RIF1: variants seen among roughly 807,000 people sequenced by gnomAD.
The protein encoded by RIF1 is telomere-associated protein RIF1.
In RIF1, 45 loss-of-function variants were observed where a neutral mutation model predicts 247.1. The observed-to-expected ratio is 0.18, with a 90% CI of 0.14 to 0.23. The LOEUF (loss-of-function observed/expected upper bound fraction) is 0.23, where lower values mean the gene tolerates loss of function less well. Ranked by LOEUF, RIF1 falls within the 10% of genes least tolerant of loss-of-function variation. The pLI, the probability that RIF1 is intolerant of heterozygous loss-of-function variation, is 1.00. For synonymous variants in RIF1, 1,087 were observed against 978.8 expected, an observed-to-expected ratio of 1.11 and a Z score of -2.06; for missense variants, 2,967 against 2,862.5, an observed-to-expected ratio of 1.04 and a Z score of -0.83.
chr2:151,498,371 T>A, intron 10 of RIF1: 2 of 1,510,378 alleles, frequency 1.3e-6, no homozygotes, highest in Admixed American at 2.1e-5. Flanking sequence ...TGAGAAAGCA[T>A]CCAGAACAAA....
intron 14 of RIF1, 49 bp from the exon 15 acceptor site, chr2:151,439,972 CAAAAAA>C (rs1165450117): frequency 1.7e-3 from 458 of 276,216 alleles, no homozygotes; most frequent in South Asian, 4.3e-3. Flanking sequence ...GACCCTGTCT[CAAAAAA>C]AAAAAAAAAA....
chr2:151,485,885 C>A (rs747323786), downstream of RIF1: 1 of 1,613,844 alleles, frequency 6.2e-7, no homozygotes. Flanking sequence ...TTGAAGGACA[C>A]CTCATCTGCA....
At position 151,464,985 on chromosome 2, in the gene RIF1, C is replaced by T; in HGVS notation, c.5465C>T (p.Thr1822Ile). ...IVSETKSKEN[T>I]MQESLPSGIV... ...TCTGAAACCAAATCAAAAGAAAACA[C>T]TATGCAAGAATCTCTTCCTTCTGGA... Residue 1822 changes from threonine to isoleucine, a missense_variant, in exon 30 of 36, where the codon ACT becomes ATT. Thr to Ile is a moderately conservative substitution (Grantham distance 89, BLOSUM62 -1). Coordinates refer to ENST00000444746, the MANE Select transcript of RIF1 (RefSeq NM_018151.5). 6.3e-7 allele frequency: 1 copy of T among 1,576,652 alleles called. No homozygotes were observed. The highest frequency in any genetic ancestry group is 8.6e-7 in the Non-Finnish European group (1 of 1,169,078).
chr2:151,462,806 A>T (rs1206042882), intron 29 of RIF1, 78 bp from the exon 30 acceptor site: 2 of 1,140,302 alleles, frequency 1.8e-6, no homozygotes, highest in Admixed American at 2.6e-5. Context: ...GTTTTACACT[A>T]AAGTTTTCCC....
At position 151,410,478 on chromosome 2, in the gene RIF1, C is replaced by T. The variant is rs760682226; in HGVS notation, c.55C>T (p.Pro19Ser). The change falls in exon 2 of 36, where the codon CCT becomes TCT. Residue 19 changes from proline (P) to serine (S), a missense_variant. Physicochemically the swap from Pro to Ser is moderately conservative, Grantham distance 74. This residue lies in a region of RIF1 where 269 missense variants were observed against 288.6 expected (regional missense o/e 0.93). Coordinates refer to ENST00000444746, the MANE Select transcript of RIF1 (RefSeq NM_018151.5). ...LAPLLETLED[P>S]SASHGGQTDA... ...GCCGCTGTTGGAGACTTTGGAAGAC[C>T]CTTCTGCCTCCCATGGAGGGCAGAC... 1.5e-5 allele frequency: 24 copies of T among 1,613,954 alleles called. No individual in the cohort carries two copies. The highest frequency in any genetic ancestry group is 4.0e-5 in the African/African-American group (3 of 74,926).
In RIF1 at chr2:151,410,540, A is replaced by G; in HGVS notation, c.104+13A>G. 1 of 1,607,348 alleles carries G rather than the reference A, an allele frequency of 6.2e-7. No individual in the cohort carries two copies. The highest frequency in any genetic ancestry group is 8.5e-7 in the Non-Finnish European group (1 of 1,174,412). Reference sequence around the variant, plus strand: ...TGACTCTGACCAGGTGAGGTCCGCCACGGGGCGTAGCGGAGAGTGGGGCGC... The same window carrying G: ...TGACTCTGACCAGGTGAGGTCCGCCGCGGGGCGTAGCGGAGAGTGGGGCGC... On this transcript the variant is annotated intron_variant, in intron 2 of 35. Transcript: ENST00000444746.
In RIF1 at chr2:151,463,040, A is replaced by G; in HGVS notation, c.3520A>G (p.Lys1174Glu). ...GTCAAACAGTAATAATGATGAAAGAAAAAAAGCTTTAATTTCATCAAGGAA... is the reference window on the plus strand; with the variant it reads ...GTCAAACAGTAATAATGATGAAAGAGAAAAAGCTTTAATTTCATCAAGGAA... ...EMSNSNNDERKKALISSRKTS... is the reference protein window; with the variant it reads ...EMSNSNNDEREKALISSRKTS... The change falls in exon 30 of 36, where the codon AAA becomes GAA. Residue 1174 changes from lysine (K) to glutamate (E), a missense_variant. Transcript: ENST00000444746. 2 of 1,614,024 alleles carry G rather than the reference A, an allele frequency of 1.2e-6. No individual in the cohort carries two copies. Among genetic ancestry groups the G allele is most frequent in the South Asian group, 2.2e-5 (2 of 91,048 alleles).
At chr2:151,418,434 A>G (rs566663287) in intron 6 of RIF1, among the ~76,000 whole-genome samples, 34 of 150,926 alleles carry the variant, frequency 2.3e-4, no homozygotes, top group Non-Finnish European at 4.4e-4. Flanking sequence ...TGAACTCCTG[A>G]CCTCAGGTGG....
At chr2:151,510,738 G>C (rs2073568802), downstream of RIF1, among the ~76,000 whole-genome samples, 1 of 152,190 alleles carries the variant, frequency 6.6e-6, no homozygotes, top group Non-Finnish European at 1.5e-5. Context: ...GGAAAAACCA[G>C]TATATATAGG....
chr2:151,426,585 C>G (rs2152264638), intron 8 of RIF1, among the ~76,000 whole-genome samples: 1 of 151,984 alleles, frequency 6.6e-6, no homozygotes, highest in East Asian at 1.9e-4. Flanking sequence ...GCATATAATG[C>G]CTTGAGTAGT....
the RIF1 span, chr2:151,531,690 A>T: frequency 1.2e-6 from 1 of 857,028 alleles, no homozygotes; most frequent in Non-Finnish European, 1.9e-6. Flanking sequence ...CCTCCCACTA[A>T]ATGGCAGTAG....
chr2:151,526,775 C>T, the RIF1 span: 6 of 654,422 alleles, frequency 9.2e-6, no homozygotes, highest in South Asian at 7.6e-5. Context: ...GCGCCCCTCA[C>T]AGGACAGGCC....
rs1172807859 is a variant in RIF1, at chr2:151,478,413, T to C, written c.*3342T>C. 1 of 151,508 alleles carries C rather than the reference T, an allele frequency of 6.6e-6. No individual in the cohort carries two copies. Among genetic ancestry groups the C allele is most frequent in the East Asian group, 1.9e-4 (1 of 5,162 alleles). The allele number at this position is 151,508 out of a possible 1,614,324, so 9.4% of individuals were successfully genotyped here. A position where few individuals can be genotyped will look rare whatever the true frequency, so the allele number is the denominator to read the frequency against. ...AGACATGAGAATTGCTTGAACCTTTTAGGCGGAGGTTGCAGTGAGCCGAGA... is the reference window on the plus strand; with the variant it reads ...AGACATGAGAATTGCTTGAACCTTTCAGGCGGAGGTTGCAGTGAGCCGAGA... On this transcript the variant is annotated 3_prime_UTR_variant, in exon 36 of 36. Coordinates refer to ENST00000444746, the MANE Select transcript of RIF1 (RefSeq NM_018151.5).
At chr2:151,513,967 A>T in the RIF1 span, among the ~76,000 whole-genome samples, 3 of 152,362 alleles carry the variant, frequency 2.0e-5, no homozygotes, top group African/African-American at 7.2e-5. Flanking sequence ...TAGAGTATAA[A>T]GTAAATTGTA....
chr2:151,484,277 G>A (rs997776719), downstream of RIF1, among the ~76,000 whole-genome samples: 4 of 151,870 alleles, frequency 2.6e-5, no homozygotes, highest in Non-Finnish European at 4.4e-5. Flanking sequence ...TTGGCAAACC[G>A]ATAAAGTAAA....
chr2:151,524,381 C>G, the RIF1 span: 1 of 1,613,856 alleles, frequency 6.2e-7, no homozygotes, highest in Non-Finnish European at 8.5e-7. Flanking sequence ...TAAGCCATGG[C>G]TGCCTTCCTT....
chr2:151,467,025 T>A (rs1239492551), intron 30 of RIF1, among the ~76,000 whole-genome samples: 4 of 152,030 alleles, frequency 2.6e-5, no homozygotes. Flanking sequence ...GGTCGGGAGT[T>A]CAAGACCAGC....
At chr2:151,498,924 T>TAAC (rs1553559573) in intron 10 of RIF1, among the ~76,000 whole-genome samples, 1 of 151,512 alleles carries the variant, frequency 6.6e-6, no homozygotes, top group Non-Finnish European at 1.5e-5. Context: ...TCTGTACAAA[T>TAAC]AACAGTAGAG....
chr2:151,419,435 C>T (rs752022569), intron 6 of RIF1, among the ~76,000 whole-genome samples: 3 of 152,054 alleles, frequency 2.0e-5, no homozygotes, highest in Middle Eastern at 3.4e-3. Context: ...AAGCAATTCT[C>T]CTGCCTCAGC....
Sources: gnomAD v4.1 joint callset for allele counts (sites outside exome capture counted in the v4.1 genomes callset) on GRCh38, gnomAD v4.1.1 for gene constraint, gnomAD v4.1.1 regional missense constraint, MANE v1.5 for transcripts, NCBI Gene and HGNC (gene_info 2026-07-23, HGNC 2026-07-21) for gene names.